The following NUP214 variants were observed in gnomAD, a reference collection of about 807,000 sequenced individuals.
NUP214 encodes the protein nuclear pore complex protein Nup214.
In NUP214, 79 loss-of-function variants were observed where a neutral mutation model predicts 196.2. The ratio of observed to expected loss-of-function variants is 0.40; its 90% CI spans 0.34 to 0.49. NUP214 has a LOEUF of 0.49. Among genes scored for constraint, NUP214 ranks in the 20% least tolerant of loss-of-function variants. The pLI, the probability that NUP214 is intolerant of heterozygous loss-of-function variation, is 0.58. For missense variants in NUP214, 2,468 were observed against 2,539.0 expected (o/e 0.97, Z 0.60); for synonymous variants, 1,020 against 990.5 (o/e 1.03, Z -0.56).
chr9:131,172,685 A>G (rs1471037408), intron 21 of NUP214, among the ~76,000 whole-genome samples: 1 of 152,228 alleles, frequency 6.6e-6, no homozygotes, highest in Non-Finnish European at 1.5e-5. Flanking sequence ...GCTTTTGATT[A>G]CTTTAAATTT....
At chr9:131,211,787 G>A (rs941940816) in intron 30 of NUP214, among the ~76,000 whole-genome samples, 10 of 152,096 alleles carry the variant, frequency 6.6e-5, no homozygotes, top group Non-Finnish European at 1.5e-4. Context: ...ATCTTCATAA[G>A]CTGAGGATGT....
At chr9:131,224,938 A>G (rs752700579) in intron 32 of NUP214, among the ~76,000 whole-genome samples, 1 of 152,206 alleles carries the variant, frequency 6.6e-6, no homozygotes, top group Non-Finnish European at 1.5e-5. Context: ...GTTTTCCTAT[A>G]TATGGTTCTT....
At chr9:131,190,236 CT>C (rs1170448707) in intron 26 of NUP214, 1 of 466,476 alleles carries the variant, frequency 2.1e-6, no homozygotes, top group East Asian at 3.5e-5. Context: ...TATAGTAGAA[CT>C]GTCAAAGACT....
intron 23 of NUP214, 194 bp downstream of exon 23, chr9:131,175,815 T>A: frequency 1.3e-6 from 1 of 798,360 alleles, no homozygotes; most frequent in Non-Finnish European, 1.8e-6. Context: ...TCTTTGCTTT[T>A]AAGGGGAGGG....
chr9:131,129,548 T>A (rs1831463447), intron 4 of NUP214, 71 bp downstream of exon 4: 1 of 1,438,022 alleles, frequency 7.0e-7, no homozygotes, highest in South Asian at 1.2e-5. Flanking sequence ...TTTCTAGAAG[T>A]GAAAGTGGAT....
intron 23 of NUP214, 70 bp from the exon 24 acceptor site, chr9:131,178,241 T>G: frequency 8.0e-7 from 1 of 1,247,048 alleles, no homozygotes; most frequent in South Asian, 1.2e-5. Flanking sequence ...GTTTTTCATT[T>G]ATATGTGGCT....
intron 13 of NUP214, 105 bp from the exon 14 acceptor site, chr9:131,147,385 G>A: frequency 1.2e-6 from 1 of 803,950 alleles, no homozygotes; most frequent in South Asian, 1.6e-5. Context: ...GTGGGCCAGG[G>A]GCAATGTGTA....
At chr9:131,175,693 G>C in intron 23 of NUP214, 72 bp downstream of exon 23, 1 of 1,532,058 alleles carries the variant, frequency 6.5e-7, no homozygotes, top group Admixed American at 2.2e-5. Context: ...AGGACAGCAG[G>C]TGGCAAGAAA....
chr9:131,136,106 T>C, intron 9 of NUP214, 100 bp downstream of exon 9: 1 of 941,302 alleles, frequency 1.1e-6, no homozygotes, highest in Non-Finnish European at 1.6e-6. Context: ...AGTGGTGCAA[T>C]TTCAGCTTAC....
In NUP214 at chr9:131,198,330, A is replaced by G. The variant is rs146243583; in HGVS notation, c.4836A>G (p.Ser1612=). ...SSAGPVAVET[S]STPIASSTTS... is the part of the protein sequence containing the mutation. ...CAGGCCCTGTGGCCGTCGAAACATC[A>G]AGTACCCCCATAGCCTCCAGCACCA... is the stretch of plus-strand genomic sequence containing the variant. The change falls in exon 29 of 36, where the codon TCA becomes TCG. Residue 1612 remains serine (S), a synonymous_variant. Transcript: ENST00000359428. 3.7e-6 allele frequency: 6 copies of G among 1,614,070 alleles called. No individual in the cohort carries two copies. Among genetic ancestry groups the G allele is most frequent in the Non-Finnish European group, 1.7e-6 (2 of 1,180,040 alleles).
chr9:131,130,909 T>A, intron 5 of NUP214, 73 bp downstream of exon 5: 1 of 1,188,162 alleles, frequency 8.4e-7, no homozygotes, highest in Non-Finnish European at 1.2e-6. Flanking sequence ...GGGAGTATCT[T>A]TCTTGTTTTT....
intron 24 of NUP214, among the ~76,000 whole-genome samples, chr9:131,180,004 A>T (rs888238512): frequency 6.6e-6 from 1 of 152,214 alleles, no homozygotes; most frequent in Non-Finnish European, 1.5e-5. Flanking sequence ...TTTCTGAGAT[A>T]TATTAGGTGC....
At chr9:131,138,795 C>T (rs1255286837) in intron 9 of NUP214, among the ~76,000 whole-genome samples, 2 of 152,164 alleles carry the variant, frequency 1.3e-5, no homozygotes, top group African/African-American at 4.8e-5. Context: ...TCTCTATAGA[C>T]GAGTGAGCGC....
At chr9:131,135,866 T>A in intron 8 of NUP214, 74 bp from the exon 9 acceptor site, 1 of 1,190,256 alleles carries the variant, frequency 8.4e-7, no homozygotes, top group African/African-American at 1.5e-5. Context: ...CTCACAGGTG[T>A]TACCTGCAGA....
rs138880782 is a variant in NUP214, at chr9:131,159,563, T to C, written c.2540+77T>C. 1.9e-4 allele frequency: 244 copies of C among 1,278,146 alleles called. 1 individual carries two copies. In the Admixed American group the frequency reaches 4.5e-3, roughly 23 times the overall value. The allele number at this position is 1,278,146 out of a possible 1,614,324, so 79.2% of individuals were successfully genotyped here. ...ATTTTAAAAAGGTTATTTAGGAACA[T>C]ATGAAAATCCCAGGCCGGGTGCGGT... is the stretch of plus-strand genomic sequence containing the variant. On this transcript the variant is annotated intron_variant, in intron 18 of 35. Coordinates refer to ENST00000359428, the MANE Select transcript of NUP214 (RefSeq NM_005085.4).
intron 9 of NUP214, among the ~76,000 whole-genome samples, chr9:131,137,218 T>G (rs1831756305): frequency 6.6e-6 from 1 of 152,210 alleles, no homozygotes; most frequent in Admixed American, 6.5e-5. Context: ...ATAATTTATG[T>G]TCATGTTTTT....
chr9:131,206,230 T>C (rs183446202), intron 30 of NUP214, among the ~76,000 whole-genome samples: 250 of 147,480 alleles, frequency 1.7e-3, no homozygotes, highest in Middle Eastern at 3.4e-3. Flanking sequence ...ACTGCAACCT[T>C]TGCCTCCCAG....
chr9:131,196,025 T>TCCCTCCCCCCCCCCCCCCC (rs1554737949), intron 28 of NUP214, among the ~76,000 whole-genome samples: 1 of 3,666 alleles, frequency 2.7e-4, no homozygotes, highest in Non-Finnish European at 6.3e-4. Flanking sequence ...ACTCTGTGTG[T>TCCCTCCCCCCCCCCCCCCC]CCCCCCCCCC....
Position 131,232,452 on chromosome 9 carries a change from C to T in NUP214, c.6239+144C>T, listed in dbSNP as rs1410276847. 1.2e-6 allele frequency: 1 copy of T among 861,874 alleles called. No homozygotes were observed. The highest frequency in any genetic ancestry group is 1.9e-6 in the Non-Finnish European group (1 of 518,576). 53.4% of individuals were successfully genotyped at this position (861,874 alleles called of 1,614,324 possible). A position where few individuals can be genotyped will look rare whatever the true frequency, so the allele number is the denominator to read the frequency against. On this transcript the variant is annotated intron_variant, in intron 35 of 35. Coordinates refer to ENST00000359428, the MANE Select transcript of NUP214 (RefSeq NM_005085.4). This position sits in a 1 kb window ranked among gnomAD's most constrained non-coding sequence, Gnocchi z 5.1. The stretch of plus-strand genomic sequence containing the variant: ...TCCTGGAAGTGTGGGGGTTCAGCAG[C>T]AGGGTTTGGGTTTTGTGGACTTGCT...
Sources: gnomAD v4.1 joint callset for allele counts (sites outside exome capture counted in the v4.1 genomes callset) on GRCh38, gnomAD v4.1.1 for gene constraint, Gnocchi (gnomAD v3.1) non-coding constraint, MANE v1.5 for transcripts, NCBI Gene and HGNC (gene_info 2026-07-23, HGNC 2026-07-21) for gene names.